The following RAB10 variants were observed in gnomAD, a reference collection of about 807,000 sequenced individuals.
RAB10 encodes RAB10, member RAS oncogene family.
A neutral mutation model predicts 25.7 loss-of-function variants in RAB10; 5 were observed. The observed-to-expected ratio is 0.19, with a 90% CI of 0.10 to 0.41. The LOEUF (loss-of-function observed/expected upper bound fraction) is 0.41, where lower values mean the gene tolerates loss of function less well. Among genes scored for constraint, RAB10 ranks in the 10% least tolerant of loss-of-function variants. The pLI, the probability that RAB10 is intolerant of heterozygous loss-of-function variation, is 1.00. For synonymous variants in RAB10, 89 were observed against 86.4 expected (o/e 1.03, Z -0.16); for missense variants, 103 against 245.8 (o/e 0.42, Z 3.89).
intron 1 of RAB10, among the ~76,000 whole-genome samples, chr2:26,061,643 G>A (rs986353968): frequency 2.6e-5 from 4 of 151,484 alleles, no homozygotes; most frequent in Non-Finnish European, 5.9e-5. Context: ...CTCCTGCCTT[G>A]GCCTCCCAAA....
At chr2:26,049,296 T>C (rs916920902) in intron 1 of RAB10, among the ~76,000 whole-genome samples, 1 of 151,786 alleles carries the variant, frequency 6.6e-6, no homozygotes, top group Non-Finnish European at 1.5e-5. Flanking sequence ...AATCAGATGA[T>C]GTAGGAGTTC....
At chr2:26,035,532 C>A (rs1401390184) in intron 1 of RAB10, among the ~76,000 whole-genome samples, 1 of 152,142 alleles carries the variant, frequency 6.6e-6, no homozygotes, top group Non-Finnish European at 1.5e-5. Flanking sequence ...TAAAGAGTGA[C>A]CTTTTTAATC....
intron 3 of RAB10, among the ~76,000 whole-genome samples, chr2:26,115,705 A>G (rs1429059353): frequency 3.9e-5 from 6 of 152,182 alleles, no homozygotes; most frequent in African/African-American, 9.7e-5. Flanking sequence ...ACTGAATTGT[A>G]TATTTTTACA....
intron 1 of RAB10, among the ~76,000 whole-genome samples, chr2:26,084,002 G>C (rs1484763935): frequency 6.6e-6 from 1 of 152,130 alleles, no homozygotes; most frequent in African/African-American, 2.4e-5. Flanking sequence ...CAAATAAAGA[G>C]AGCTATACCG....
intron 1 of RAB10, among the ~76,000 whole-genome samples, chr2:26,071,171 TAA>T (rs1249386910): frequency 6.6e-6 from 1 of 152,180 alleles, no homozygotes; most frequent in African/African-American, 2.4e-5. Flanking sequence ...AAATGGGAGG[TAA>T]ATATAAAGCA....
At chr2:26,038,675 C>T (rs1227898162) in intron 1 of RAB10, among the ~76,000 whole-genome samples, 7 of 151,776 alleles carry the variant, frequency 4.6e-5, no homozygotes, top group African/African-American at 7.2e-5. Flanking sequence ...ATAATCCCAG[C>T]GCTTTGGGAG....
Position 26,115,859 on chromosome 2 carries a change from T to A in RAB10, c.327+5953T>A, listed in dbSNP as rs552747015. On this transcript the variant is annotated intron_variant, in intron 3 of 5. Coordinates refer to ENST00000264710, the MANE Select transcript of RAB10 (RefSeq NM_016131.5). Reference sequence around the variant, plus strand: ...ACTACACAGGTAGAGTTGTTATTACTGTTTTTTTTTTTTTTTTTGAGACGG... The same window carrying A: ...ACTACACAGGTAGAGTTGTTATTACAGTTTTTTTTTTTTTTTTTGAGACGG... Among the ~76,000 whole-genome samples the A allele has an allele frequency of 3.8e-4, 35 of 91,232 alleles. No individual in the cohort carries two copies. The East Asian group carries it at 0.012, about 30-fold the overall frequency. 59.9% of individuals were successfully genotyped at this position (91,232 alleles called of 152,430 possible). A position where few individuals can be genotyped will look rare whatever the true frequency, so the allele number is the denominator to read the frequency against.
intron 1 of RAB10, among the ~76,000 whole-genome samples, chr2:26,035,455 C>T (rs1665745145): frequency 6.6e-6 from 1 of 152,202 alleles, no homozygotes; most frequent in African/African-American, 2.4e-5. Context: ...TTTTGCCAGT[C>T]ATAGCCCTAT....
intron 3 of RAB10, among the ~76,000 whole-genome samples, chr2:26,114,214 C>A (rs1053017251): frequency 6.6e-6 from 1 of 151,946 alleles, no homozygotes; most frequent in African/African-American, 2.4e-5. Flanking sequence ...TTTAAAAATT[C>A]CCCCCCGTAG....
intron 5 of RAB10, among the ~76,000 whole-genome samples, chr2:26,131,400 G>A (rs1291474316): frequency 6.6e-6 from 1 of 152,152 alleles, no homozygotes; most frequent in Non-Finnish European, 1.5e-5. Flanking sequence ...CAAGTAAGCA[G>A]GCCCAAATAC....
chr2:26,122,401 G>A (rs1667822995), intron 3 of RAB10, among the ~76,000 whole-genome samples: 1 of 152,216 alleles, frequency 6.6e-6, no homozygotes, highest in Admixed American at 6.5e-5. Context: ...GGCCAAGGCG[G>A]GCAGATCACG....
At chr2:26,068,209 AGAACT>A (rs1464446521) in intron 1 of RAB10, among the ~76,000 whole-genome samples, 1 of 152,050 alleles carries the variant, frequency 6.6e-6, no homozygotes, top group Non-Finnish European at 1.5e-5. Flanking sequence ...TTGAGTTCAA[AGAACT>A]GAAAGATGAT....
intron 1 of RAB10, among the ~76,000 whole-genome samples, chr2:26,075,267 T>C (rs1177439712): frequency 1.3e-5 from 2 of 152,172 alleles, no homozygotes; most frequent in Non-Finnish European, 2.9e-5. Flanking sequence ...TCTTAGCAAA[T>C]CATTGTACCC....
At chr2:26,060,780 G>C (rs1021642124) in intron 1 of RAB10, among the ~76,000 whole-genome samples, 5 of 152,170 alleles carry the variant, frequency 3.3e-5, no homozygotes. Flanking sequence ...TGCCAGAGAA[G>C]CTGGAAATAG....
chr2:26,034,124 A>G lies in RAB10; in HGVS notation c.-485A>G. Reference sequence around the variant, plus strand: ...CACGCCGGCGTGAGAGGGCACGGGGAAAAGGTGGCTCTGGCCGGGGTGGCT... The same window carrying G: ...CACGCCGGCGTGAGAGGGCACGGGGGAAAGGTGGCTCTGGCCGGGGTGGCT... On this transcript the variant is annotated 5_prime_UTR_variant, in exon 1 of 6. Coordinates refer to ENST00000264710, the MANE Select transcript of RAB10 (RefSeq NM_016131.5). 5.0e-6 allele frequency: 2 copies of G among 403,480 alleles called. No individual in the cohort carries two copies. The highest frequency in any genetic ancestry group is 8.8e-6 in the Non-Finnish European group (2 of 228,364). The allele number at this position is 403,480 out of a possible 1,614,324, so 25.0% of individuals were successfully genotyped here.
chr2:26,087,080 ATTTT>A (rs983686747), intron 1 of RAB10, among the ~76,000 whole-genome samples: 5 of 151,940 alleles, frequency 3.3e-5, no homozygotes, highest in African/African-American at 9.7e-5. Flanking sequence ...TGTTCACTTT[ATTTT>A]TTCTTTTTTT....
intron 1 of RAB10, among the ~76,000 whole-genome samples, chr2:26,089,545 G>A (rs1226528942): frequency 6.6e-6 from 1 of 152,092 alleles, no homozygotes; most frequent in Non-Finnish European, 1.5e-5. Context: ...AATAGGTACA[G>A]ATTTTTAGAA....
At chr2:26,056,696 T>G (rs920394088) in intron 1 of RAB10, among the ~76,000 whole-genome samples, 7 of 152,180 alleles carry the variant, frequency 4.6e-5, no homozygotes, top group Admixed American at 3.9e-4. Flanking sequence ...GGTGTGATCA[T>G]AACTCACTGT....
At chr2:26,091,656 C>A (rs1165355275) in intron 1 of RAB10, among the ~76,000 whole-genome samples, 2 of 151,860 alleles carry the variant, frequency 1.3e-5, no homozygotes, top group Non-Finnish European at 2.9e-5. Context: ...ATTTGGAGTT[C>A]AGGGGAGAGT....
Sources: allele counts gnomAD v4.1 joint callset (sites outside exome capture counted in the v4.1 genomes callset), GRCh38; gene constraint gnomAD v4.1.1; transcripts MANE v1.5; gene names NCBI Gene and HGNC (gene_info 2026-07-23, HGNC 2026-07-21).